PPARGC1A: variants seen among roughly 807,000 people sequenced by gnomAD.
PPARGC1A encodes peroxisome proliferator-activated receptor gamma coactivator 1-alpha.
Under a neutral mutation model 88.7 loss-of-function variants are expected in PPARGC1A, and 25 were observed. The ratio of observed to expected loss-of-function variants is 0.28; its 90% CI spans 0.21 to 0.39. PPARGC1A has a LOEUF of 0.39. Ranked by LOEUF, PPARGC1A falls within the 10% of genes least tolerant of loss-of-function variation. The pLI, the probability that PPARGC1A is intolerant of heterozygous loss-of-function variation, is 1.00. For synonymous variants in PPARGC1A, 363 were observed against 355.6 expected, an observed-to-expected ratio of 1.02 and a Z score of -0.24; for missense variants, 880 against 968.7, an observed-to-expected ratio of 0.91 and a Z score of 1.22.
the PPARGC1A span, among the ~76,000 whole-genome samples, chr4:24,259,057 C>G: frequency 2.0e-5 from 3 of 152,130 alleles, no homozygotes; most frequent in African/African-American, 4.8e-5. Context: ...CTGATAGTTT[C>G]TAGACATTCC....
chr4:24,412,770 C>A, the PPARGC1A span, among the ~76,000 whole-genome samples: 1 of 152,198 alleles, frequency 6.6e-6, no homozygotes. Flanking sequence ...CCTGAGCCAC[C>A]GCGCCCAGCT....
chr4:24,021,629 G>A, the PPARGC1A span, among the ~76,000 whole-genome samples: 1 of 152,168 alleles, frequency 6.6e-6, no homozygotes, highest in South Asian at 2.1e-4. Flanking sequence ...AGAAAGGGCT[G>A]CTCTATTTAC....
At chr4:24,311,330 T>C in the PPARGC1A span, among the ~76,000 whole-genome samples, 1 of 145,344 alleles carries the variant, frequency 6.9e-6, no homozygotes, top group Non-Finnish European at 1.5e-5. Context: ...CTCGATCTCC[T>C]GACCTCATGA....
At chr4:24,364,922 C>T in the PPARGC1A span, among the ~76,000 whole-genome samples, 20 of 151,994 alleles carry the variant, frequency 1.3e-4, no homozygotes, top group Non-Finnish European at 2.4e-4. Flanking sequence ...TGACACGTAT[C>T]GATACTCAAT....
the PPARGC1A span, among the ~76,000 whole-genome samples, chr4:24,197,576 G>A: frequency 6.6e-6 from 1 of 152,114 alleles, no homozygotes; most frequent in African/African-American, 2.4e-5. Flanking sequence ...TTGCTCCTAA[G>A]ACTTAAAGAG....
chr4:24,284,716 G>T, the PPARGC1A span, among the ~76,000 whole-genome samples: 1 of 152,180 alleles, frequency 6.6e-6, no homozygotes, highest in African/African-American at 2.4e-5. Context: ...TGTAAAAGAA[G>T]AGTATTCATT....
chr4:23,853,071 T>C (rs1729588357), intron 2 of PPARGC1A, among the ~76,000 whole-genome samples: 1 of 152,206 alleles, frequency 6.6e-6, no homozygotes, highest in Non-Finnish European at 1.5e-5. Flanking sequence ...ATAAGAAATT[T>C]GTAAAAGAAT....
the PPARGC1A span, among the ~76,000 whole-genome samples, chr4:24,130,320 CT>C: frequency 9.7e-4 from 147 of 152,222 alleles, no homozygotes; most frequent in Admixed American, 2.2e-3. Context: ...GTTAAGCTGC[CT>C]GCCCAGAATA....
At chr4:23,932,902 CA>C in the PPARGC1A span, among the ~76,000 whole-genome samples, 1 of 152,186 alleles carries the variant, frequency 6.6e-6, no homozygotes, top group Non-Finnish European at 1.5e-5. Context: ...GTCCAGGAAT[CA>C]GTCTCGCCGT....
At chr4:24,130,791 C>A in the PPARGC1A span, among the ~76,000 whole-genome samples, 3 of 152,050 alleles carry the variant, frequency 2.0e-5, no homozygotes, top group African/African-American at 7.2e-5. Flanking sequence ...TGCTGAAGAC[C>A]CGTCAGCAGC....
the PPARGC1A span, among the ~76,000 whole-genome samples, chr4:24,280,052 C>T: frequency 4.4e-3 from 676 of 152,292 alleles, 3 homozygotes; most frequent in African/African-American, 0.015. Flanking sequence ...ACATCCCGCC[C>T]CCTTTCAAAT....
the PPARGC1A span, among the ~76,000 whole-genome samples, chr4:24,266,664 A>G: frequency 6.6e-6 from 1 of 152,164 alleles, no homozygotes; most frequent in Admixed American, 6.5e-5. Context: ...GTGTTCAGGG[A>G]AGGCATCCCT....
At chr4:23,882,302 TA>T (rs1716099154) in intron 2 of PPARGC1A, among the ~76,000 whole-genome samples, 1 of 152,230 alleles carries the variant, frequency 6.6e-6, no homozygotes, top group South Asian at 2.1e-4. Context: ...TCATTCTTTA[TA>T]TCCAGTAGCT....
At chr4:24,286,303 A>G in the PPARGC1A span, among the ~76,000 whole-genome samples, 1 of 152,174 alleles carries the variant, frequency 6.6e-6, no homozygotes, top group East Asian at 1.9e-4. Context: ...AGAATTATCT[A>G]TTCCTTAGTC....
the PPARGC1A span, among the ~76,000 whole-genome samples, chr4:24,220,422 C>T: frequency 2.0e-5 from 3 of 152,208 alleles, no homozygotes; most frequent in Non-Finnish European, 1.5e-5. Context: ...CACCTACACT[C>T]ACATGTTTAT....
In PPARGC1A at chr4:23,850,499, CTTTCTAGCCTTG is replaced by C. The variant is rs1301379092; in HGVS notation, c.235-18760_235-18749del. ...AAGCATGGCAGTAAAGTACAGCCTT[CTTTCTAGCCTTG>C]TTTCTAGTAGAAAATACAGTGGGAT... On this transcript the variant is annotated intron_variant, in intron 2 of 12. Transcript: ENST00000264867. Among the ~76,000 whole-genome samples, 34 of 152,308 alleles carry C rather than the reference CTTTCTAGCCTTG, an allele frequency of 2.2e-4. No homozygotes were observed. The East Asian group carries it at 6.6e-3, about 29-fold the overall frequency.
the PPARGC1A span, among the ~76,000 whole-genome samples, chr4:24,212,535 G>A: frequency 2.0e-5 from 3 of 152,148 alleles, no homozygotes; most frequent in Non-Finnish European, 4.4e-5. Flanking sequence ...TGTATTCTAA[G>A]TATTTATAAC....
At chr4:24,156,292 T>G in the PPARGC1A span, among the ~76,000 whole-genome samples, 1 of 152,194 alleles carries the variant, frequency 6.6e-6, no homozygotes, top group Non-Finnish European at 1.5e-5. Context: ...CACCCCCGGG[T>G]GTTTCTCCCA....
At chr4:23,871,811 G>C (rs1435817775) in intron 2 of PPARGC1A, among the ~76,000 whole-genome samples, 2 of 152,160 alleles carry the variant, frequency 1.3e-5, no homozygotes, top group Non-Finnish European at 2.9e-5. Flanking sequence ...CCCTATACAA[G>C]AGCCGTTTCA....
Sources: gnomAD v4.1 joint callset for allele counts (sites outside exome capture counted in the v4.1 genomes callset) on GRCh38, gnomAD v4.1.1 for gene constraint, MANE v1.5 for transcripts, NCBI Gene and HGNC (gene_info 2026-07-23, HGNC 2026-07-21) for gene names.